The following EYS variants were observed in gnomAD, a reference collection of about 807,000 sequenced individuals.
The protein encoded by EYS is protein eyes shut homolog.
In EYS, 250 loss-of-function variants were observed where a neutral mutation model predicts 282.1. The observed-to-expected ratio is 0.89, with a 90% CI of 0.80 to 0.98. The LOEUF (loss-of-function observed/expected upper bound fraction) is 0.98. EYS is among the 50% of genes least tolerant of loss of function. The pLI is 0.00. For missense variants in EYS, 4,016 were observed against 3,709.0 expected (o/e 1.08, Z -2.15); for synonymous variants, 1,355 against 1,282.9 (o/e 1.06, Z -1.20).
At chr6:65,482,450 A>C (rs1400593009) in intron 5 of EYS, among the ~76,000 whole-genome samples, 1 of 152,206 alleles carries the variant, frequency 6.6e-6, no homozygotes, top group Non-Finnish European at 1.5e-5. Flanking sequence ...ATTGACAGAG[A>C]TTAATTTTCC....
At chr6:64,607,600 A>G (rs141616526) in intron 24 of EYS, among the ~76,000 whole-genome samples, 1 of 152,186 alleles carries the variant, frequency 6.6e-6, no homozygotes, top group East Asian at 1.9e-4. Context: ...TTCTAATACC[A>G]TAGTCTTAGG....
At chr6:64,515,235 A>G (rs1371618332) in intron 26 of EYS, among the ~76,000 whole-genome samples, 1 of 151,730 alleles carries the variant, frequency 6.6e-6, no homozygotes, top group African/African-American at 2.4e-5. Flanking sequence ...ATTAAGAATA[A>G]TTTTATGCTT....
chr6:63,726,673 G>A lies in EYS; in HGVS notation c.8079C>T (p.Ser2693=), dbSNP rs369625012. The A allele has an allele frequency of 1.3e-6, 2 of 1,550,788 alleles. No individual in the cohort carries two copies. The highest frequency in any genetic ancestry group is 1.4e-5 in the African/African-American group (1 of 73,138). ...TTGIYCEQAL[S]ISDPSFRSNE... ...TGCTTCTGAAAGATGGATCACTTAT[G>A]GATAAAGCTGAGGGAAGGAGAGAAA... The change falls in exon 42 of 43, where the codon TCC becomes TCT. Residue 2693 remains serine, a synonymous_variant. Transcript: ENST00000503581.
chr6:64,490,799 G>A (rs1776715437), intron 26 of EYS, among the ~76,000 whole-genome samples: 1 of 150,650 alleles, frequency 6.6e-6, no homozygotes, highest in African/African-American at 2.4e-5. Context: ...CAGACAAATG[G>A]ACAGTGCTTG....
At chr6:64,321,791 T>C (rs1277665717) in intron 29 of EYS, among the ~76,000 whole-genome samples, 2 of 151,932 alleles carry the variant, frequency 1.3e-5, no homozygotes, top group African/African-American at 4.8e-5. Context: ...ATGGTAATTA[T>C]TTGTTGTCTA....
At chr6:65,634,111 AT>A (rs1249395572) in intron 2 of EYS, among the ~76,000 whole-genome samples, 1 of 152,046 alleles carries the variant, frequency 6.6e-6, no homozygotes, top group African/African-American at 2.4e-5. Flanking sequence ...CCTTTCCTAT[AT>A]TTGCTTCTTC....
intron 28 of EYS, among the ~76,000 whole-genome samples, chr6:64,408,073 C>T (rs1773781513): frequency 1.3e-5 from 2 of 151,842 alleles, no homozygotes; most frequent in South Asian, 2.1e-4. Context: ...AGAGGTTTAC[C>T]ATAAATTATC....
intron 19 of EYS, among the ~76,000 whole-genome samples, chr6:64,830,400 G>A (rs1176024652): frequency 6.6e-6 from 1 of 151,948 alleles, no homozygotes; most frequent in Non-Finnish European, 1.5e-5. Context: ...GTAGGGACAA[G>A]GATAAAAATA....
intron 1 of EYS, among the ~76,000 whole-genome samples, chr6:65,641,490 A>G (rs929609474): frequency 1.3e-5 from 2 of 152,186 alleles, no homozygotes; most frequent in Admixed American, 6.5e-5. Context: ...AGAGGAGGAG[A>G]GCAAATTTTT....
At chr6:64,663,338 C>T (rs140539283) in intron 22 of EYS, among the ~76,000 whole-genome samples, 109 of 150,568 alleles carry the variant, frequency 7.2e-4, no homozygotes, top group African/African-American at 2.4e-3. Flanking sequence ...TAATTGGATA[C>T]CACTTCATTT....
chr6:64,240,501 T>G (rs1203755273), intron 30 of EYS, among the ~76,000 whole-genome samples: 1 of 152,214 alleles, frequency 6.6e-6, no homozygotes, highest in Non-Finnish European at 1.5e-5. Flanking sequence ...AGGTATTTTA[T>G]TCTCTTTGTA....
At chr6:64,066,526 T>A (rs1562182854) in intron 32 of EYS, 35 bp from the exon 33 acceptor site, 1 of 1,328,980 alleles carries the variant, frequency 7.5e-7, no homozygotes, top group Non-Finnish European at 1.0e-6. Context: ...GTAATTATTG[T>A]AGATTTATAT....
chr6:64,531,233 T>A (rs1320379482), intron 26 of EYS, among the ~76,000 whole-genome samples: 1 of 152,106 alleles, frequency 6.6e-6, no homozygotes, highest in African/African-American at 2.4e-5. Flanking sequence ...CATTACTCCC[T>A]CCTAAGAATA....
chr6:64,229,887 C>T (rs56780164), intron 31 of EYS, among the ~76,000 whole-genome samples: 5,512 of 152,220 alleles, frequency 0.036, 315 homozygotes, highest in African/African-American at 0.13. Context: ...TAGTAATCCC[C>T]ATCCCTTCCT....
chr6:65,623,900 T>A (rs758371838), intron 2 of EYS, among the ~76,000 whole-genome samples: 11 of 152,150 alleles, frequency 7.2e-5, no homozygotes, highest in Non-Finnish European at 1.3e-4. Flanking sequence ...CATAGGCTCA[T>A]GTTGAGTGGG....
At chr6:64,233,875 T>A (rs1408933660) in intron 30 of EYS, among the ~76,000 whole-genome samples, 1 of 152,204 alleles carries the variant, frequency 6.6e-6, no homozygotes, top group East Asian at 1.9e-4. Context: ...CTTATTTCAA[T>A]CCCACAGCAA....
chr6:65,640,746 G>A (rs1767248378), intron 1 of EYS, among the ~76,000 whole-genome samples: 1 of 151,918 alleles, frequency 6.6e-6, no homozygotes, highest in African/African-American at 2.4e-5. Context: ...TTTTTTTATG[G>A]TGTATTTGAT....
rs201347703 is a variant in EYS, at chr6:65,318,176, A to ATT, written c.1766+16802_1766+16803dup. Among the ~76,000 whole-genome samples the ATT allele has an allele frequency of 2.3e-3, 339 of 147,102 alleles. 2 individuals carry two copies. Among genetic ancestry groups the ATT allele is most frequent in the East Asian group, 0.01 (50 of 4,976 alleles). On this transcript the variant is annotated intron_variant, in intron 11 of 42. Transcript: ENST00000503581. ...GCCACCGCGCCCGGCTGGAGGCTCC[A>ATT]TTTTTTTTTTTACCGTGCAGTCCTC...
In EYS at chr6:65,481,442, A is replaced by T. The variant is rs190405387; in HGVS notation, c.862+9152T>A. Among the ~76,000 whole-genome samples the T allele has an allele frequency of 6.1e-3, 933 of 152,308 alleles. 8 individuals are homozygous for T. The highest frequency in any genetic ancestry group is 0.017 in the Middle Eastern group (5 of 294). Reference sequence around the variant, plus strand: ...ATACAAGCAATAAAGTTTCATTAGCATCCTGAGATCTCATAATTATCAATA... The same window carrying T: ...ATACAAGCAATAAAGTTTCATTAGCTTCCTGAGATCTCATAATTATCAATA... On this transcript the variant is annotated intron_variant, in intron 5 of 42. Coordinates refer to ENST00000503581, the MANE Select transcript of EYS (RefSeq NM_001142800.2).
Sources: allele counts gnomAD v4.1 joint callset (sites outside exome capture counted in the v4.1 genomes callset), GRCh38; gene constraint gnomAD v4.1.1; transcripts MANE v1.5; gene names NCBI Gene and HGNC (gene_info 2026-07-23, HGNC 2026-07-21).